GABRA4: variants seen among roughly 807,000 people sequenced by gnomAD.
The protein encoded by GABRA4 is gamma-aminobutyric acid receptor subunit alpha-4.
A neutral mutation model predicts 49.7 loss-of-function variants in GABRA4; 12 were observed. The ratio of observed to expected loss-of-function variants is 0.24; its 90% CI spans 0.15 to 0.39. The LOEUF is 0.39. Ranked by LOEUF, GABRA4 falls within the 10% of genes least tolerant of loss-of-function variation. GABRA4 has a pLI of 1.00. For synonymous variants in GABRA4, 288 were observed against 240.2 expected (o/e 1.20, Z -1.84); for missense variants, 506 against 686.0 (o/e 0.74, Z 2.93).
intron 8 of GABRA4, among the ~76,000 whole-genome samples, chr4:46,951,494 G>T (rs1002005493): frequency 6.6e-6 from 1 of 151,644 alleles, no homozygotes; most frequent in African/African-American, 2.4e-5. Context: ...TTGTTACGCT[G>T]GAGATAGTAA....
chr4:46,992,173 T>C (rs551508026), intron 2 of GABRA4, among the ~76,000 whole-genome samples: 1 of 152,334 alleles, frequency 6.6e-6, no homozygotes, highest in Admixed American at 6.5e-5. Flanking sequence ...ACAGTGCTGT[T>C]AATGGATGTA....
At chr4:46,953,852 A>G (rs1307250095) in intron 8 of GABRA4, among the ~76,000 whole-genome samples, 2 of 152,116 alleles carry the variant, frequency 1.3e-5, no homozygotes. Context: ...CCAGGGACAC[A>G]GCAGAGTTCA....
intron 6 of GABRA4, among the ~76,000 whole-genome samples, chr4:46,972,021 C>A (rs3792208): frequency 0.099 from 14,959 of 151,498 alleles, 869 homozygotes; most frequent in South Asian, 0.24. Flanking sequence ...GAAGCAGTGG[C>A]CTTATTCACA....
chr4:46,931,152 A>G (rs1003736149), intron 8 of GABRA4, among the ~76,000 whole-genome samples: 1 of 152,108 alleles, frequency 6.6e-6, no homozygotes, highest in East Asian at 1.9e-4. Context: ...GTAACTACCC[A>G]AGGCTGAAAG....
chr4:46,961,011 G>T (rs1722554230), intron 8 of GABRA4, among the ~76,000 whole-genome samples: 1 of 151,656 alleles, frequency 6.6e-6, no homozygotes, highest in Non-Finnish European at 1.5e-5. Context: ...AGCACAGAGG[G>T]TATAAATTTA....
In GABRA4 at chr4:46,926,036, G is replaced by A. The variant is rs1231551968; in HGVS notation, c.*2189C>T. The A allele has an allele frequency of 6.6e-6, 1 of 150,804 alleles. No homozygotes were observed. Among genetic ancestry groups the A allele is most frequent in the African/African-American group, 2.4e-5 (1 of 41,086 alleles). 9.3% of individuals were successfully genotyped at this position (150,804 alleles called of 1,614,324 possible). ...AACCAAATAATTATTTCTTAAGATA[G>A]GCCAATAGATTAGCAAAGAGTAAGA... On this transcript the variant is annotated 3_prime_UTR_variant, in exon 9 of 9. Coordinates refer to ENST00000264318, the MANE Select transcript of GABRA4 (RefSeq NM_000809.4).
chr4:46,928,068 G>C lies in GABRA4; in HGVS notation c.*157C>G. 3.3e-6 allele frequency: 2 copies of C among 610,806 alleles called. No homozygotes were observed. Among genetic ancestry groups the C allele is most frequent in the South Asian group, 5.8e-5 (2 of 34,258 alleles). The allele number at this position is 610,806 out of a possible 1,614,324, so 37.8% of individuals were successfully genotyped here. A position where few individuals can be genotyped will look rare whatever the true frequency, so the allele number is the denominator to read the frequency against. On this transcript the variant is annotated 3_prime_UTR_variant, in exon 9 of 9. Transcript: ENST00000264318. ...AAACATAGTTCACTTTTTCACTCAG[G>C]AATTAATTAACTCTCCCAATAACTG...
rs1025834234 is a variant in GABRA4, at chr4:46,922,320, G to C, written c.*5905C>G. 1 of 152,082 alleles carries C rather than the reference G, an allele frequency of 6.6e-6. No individual in the cohort carries two copies. The highest frequency in any genetic ancestry group is 2.4e-5 in the African/African-American group (1 of 41,398). The allele number at this position is 152,082 out of a possible 1,614,324, so 9.4% of individuals were successfully genotyped here. ...AAAAAACACATAAAACGGTTTTGGG[G>C]AGGTGGGCTTGAAACCTGAAATTTA... On this transcript the variant is annotated 3_prime_UTR_variant, in exon 9 of 9. Coordinates refer to ENST00000264318, the MANE Select transcript of GABRA4 (RefSeq NM_000809.4).
intron 8 of GABRA4, among the ~76,000 whole-genome samples, chr4:46,960,623 T>C (rs561055048): frequency 4.0e-5 from 6 of 151,782 alleles, no homozygotes; most frequent in African/African-American, 1.4e-4. Flanking sequence ...CTCCAAATAA[T>C]TCTTAGTTCA....
At chr4:46,938,748 A>T (rs1252001562) in intron 8 of GABRA4, among the ~76,000 whole-genome samples, 1 of 152,094 alleles carries the variant, frequency 6.6e-6, no homozygotes, top group Non-Finnish European at 1.5e-5. Context: ...GGAGTTTATT[A>T]TCCAGGTCAA....
rs79535621 is a variant in GABRA4, at chr4:46,985,298, C to T, written c.206-6200G>A. Reference sequence around the variant, plus strand: ...GACTTAAAATCATGGTTATTTTGGACGGAGAAGACAGGAAGATAGGATGGA... The same window carrying T: ...GACTTAAAATCATGGTTATTTTGGATGGAGAAGACAGGAAGATAGGATGGA... On this transcript the variant is annotated intron_variant, in intron 2 of 8. Transcript: ENST00000264318. Among the ~76,000 whole-genome samples the T allele has an allele frequency of 5.0e-3, 763 of 151,884 alleles. 7 individuals are homozygous for T. Among genetic ancestry groups the T allele is most frequent in the African/African-American group, 0.015 (605 of 41,430 alleles).
chr4:46,919,195 A>G lies in GABRA4; in HGVS notation c.*9030T>C, dbSNP rs995011586. ...GTAATAAGTTGAGCTTTGAAAAGCA[A>G]GGGACATTTACTTAAAGGGACAGTG... On this transcript the variant is annotated 3_prime_UTR_variant, in exon 9 of 9. Transcript: ENST00000264318. 4 of 151,656 alleles carry G rather than the reference A, an allele frequency of 2.6e-5. No homozygotes were observed. The highest frequency in any genetic ancestry group is 2.0e-4 in the Admixed American group (3 of 15,214). 9.4% of individuals were successfully genotyped at this position (151,656 alleles called of 1,614,324 possible).
intron 2 of GABRA4, among the ~76,000 whole-genome samples, chr4:46,991,810 G>A (rs184509366): frequency 6.6e-6 from 1 of 152,294 alleles, no homozygotes; most frequent in East Asian, 1.9e-4. Context: ...CCTACAAAAT[G>A]CCTGGTATAT....
At chr4:46,939,386 C>T (rs373064881) in intron 8 of GABRA4, among the ~76,000 whole-genome samples, 1 of 151,974 alleles carries the variant, frequency 6.6e-6, no homozygotes, top group African/African-American at 2.4e-5. Flanking sequence ...CCAGGCACTA[C>T]CCAAAGGGTT....
Position 46,992,955 on chromosome 4 carries a change from GAAAA to G in GABRA4, c.87-13_87-10del. On this transcript the variant is annotated splice_polypyrimidine_tract_variant and intron_variant, in intron 1 of 8. Transcript: ENST00000264318. Reference sequence around the variant, plus strand: ...CTGGGGATTCGTTTAAACTGCAAGCGAAAAAAAAAAAACCGGGGGCGGAGGAGAT... The same window carrying G: ...CTGGGGATTCGTTTAAACTGCAAGCGAAAAAAAACCGGGGGCGGAGGAGAT... 7.7e-7 allele frequency: 1 copy of G among 1,301,046 alleles called. No homozygotes were observed. The highest frequency in any genetic ancestry group is 1.1e-6 in the Non-Finnish European group (1 of 924,978). 80.6% of individuals were successfully genotyped at this position (1,301,046 alleles called of 1,614,324 possible).
chr4:46,961,284 G>A (rs969526745), intron 8 of GABRA4, among the ~76,000 whole-genome samples: 11 of 151,866 alleles, frequency 7.2e-5, no homozygotes, highest in African/African-American at 2.7e-4. Context: ...CCCTGCCAGG[G>A]TGAATGCCTA....
In GABRA4 at chr4:46,965,229, C is replaced by A; in HGVS notation, c.875G>T (p.Gly292Val). Residue 292 changes from glycine (G) to valine (V), a missense_variant and splice_region_variant, in exon 8 of 9, where the codon GGA becomes GTA. By Grantham distance (109) the Gly-to-Val change is moderately radical. Around this residue, in one of 5 missense-constraint regions of GABRA4, gnomAD observed 33 missense variants for 102.5 expected, o/e 0.32. Coordinates refer to ENST00000264318, the MANE Select transcript of GABRA4 (RefSeq NM_000809.4). The stretch of plus-strand genomic sequence containing the variant: ...GGTCATGGTGAGGACAGTTGTTATT[C>A]CTTCAAAGCAAAAGAGCAGAGAGAC... ...KESVPARTVF[G>V]ITTVLTMTTL... 2 of 1,444,204 alleles carry A rather than the reference C, an allele frequency of 1.4e-6. No individual in the cohort carries two copies. Among genetic ancestry groups the A allele is most frequent in the South Asian group, 1.6e-5 (1 of 61,758 alleles). 89.5% of individuals were successfully genotyped at this position (1,444,204 alleles called of 1,614,324 possible).
chr4:46,963,448 C>G (rs1227978881), intron 8 of GABRA4, among the ~76,000 whole-genome samples: 4 of 151,690 alleles, frequency 2.6e-5, no homozygotes, highest in Non-Finnish European at 5.9e-5. Flanking sequence ...TAAGTCTCAC[C>G]AGATCTGATG....
chr4:46,941,531 T>G (rs34479213), intron 8 of GABRA4, among the ~76,000 whole-genome samples: 2 of 152,118 alleles, frequency 1.3e-5, no homozygotes, highest in Non-Finnish European at 2.9e-5. Flanking sequence ...TATTCTATTG[T>G]TATCATTTAA....
Sources: gnomAD v4.1 joint callset for allele counts (sites outside exome capture counted in the v4.1 genomes callset) on GRCh38, gnomAD v4.1.1 for gene constraint, gnomAD v4.1.1 regional missense constraint, MANE v1.5 for transcripts, NCBI Gene and HGNC (gene_info 2026-07-23, HGNC 2026-07-21) for gene names.